Variants in TMCC1 observed in about 807,000 individuals in gnomAD.
The protein encoded by TMCC1 is transmembrane and coiled-coil domain family 1.
A neutral mutation model predicts 52.4 loss-of-function variants in TMCC1; 15 were observed. That is an observed-to-expected ratio of 0.29 (90% confidence interval 0.19 to 0.44). The LOEUF is 0.44. Ranked by LOEUF, TMCC1 falls within the 20% of genes least tolerant of loss-of-function variation. The pLI is 1.00. For synonymous variants in TMCC1, 279 were observed against 301.9 expected (o/e 0.92, Z 0.79); for missense variants, 503 against 806.0 (o/e 0.62, Z 4.55).
intron 4 of TMCC1, among the ~76,000 whole-genome samples, chr3:129,745,600 T>C (rs570381969): frequency 6.6e-6 from 1 of 152,306 alleles, no homozygotes; most frequent in African/African-American, 2.4e-5. Flanking sequence ...ACAAAGCATG[T>C]CCTTCCCAAA....
intron 4 of TMCC1, chr3:129,794,202 C>T (rs549778432): frequency 7.3e-6 from 3 of 412,804 alleles, no homozygotes; most frequent in Middle Eastern, 1.1e-3. Context: ...AGTGCTTCCT[C>T]CCTCAGCCCC....
At chr3:129,724,230 T>C (rs2049897844) in intron 4 of TMCC1, among the ~76,000 whole-genome samples, 1 of 152,178 alleles carries the variant, frequency 6.6e-6, no homozygotes, top group Non-Finnish European at 1.5e-5. Context: ...AGATCTATGG[T>C]GTCACATGAG....
chr3:129,680,314 C>A lies in TMCC1; in HGVS notation c.577-9050G>T, dbSNP rs142519878. On this transcript the variant is annotated intron_variant, in intron 4 of 6. Transcript: ENST00000393238. ...CAAAGGTAATAGTAGTAACTGAGTG[C>A]TTACTATGAACCTGGTACAAATCTA... 4.6e-5 allele frequency among the ~76,000 whole-genome samples: 7 copies of A among 152,266 alleles called. No homozygotes were observed. The East Asian group carries it at 1.3e-3, about 29-fold the overall frequency.
Position 129,655,004 on chromosome 3 carries a change from G to A in TMCC1, c.1611C>T (p.Ile537=), listed in dbSNP as rs757923866. The change falls in exon 6 of 7, where the codon ATC becomes ATT. Residue 537 remains isoleucine (I), a synonymous_variant. Transcript: ENST00000393238. ...KQELASMEEK[I]AYQSYERARD... is the part of the protein sequence containing the mutation. ...GGGCCCGTTCATAGGACTGATACGC[G>A]ATTTTTTCTTCCATGCTTGCCAGTT... is the stretch of plus-strand genomic sequence containing the variant. The A allele has an allele frequency of 1.2e-5, 19 of 1,613,726 alleles. No homozygotes were observed. The African/African-American group carries it at 1.3e-4, about 11-fold the overall frequency.
chr3:129,762,221 G>A (rs1478372637), intron 4 of TMCC1, among the ~76,000 whole-genome samples: 3 of 151,714 alleles, frequency 2.0e-5, no homozygotes, highest in Non-Finnish European at 4.4e-5. Context: ...ATAATTTTTT[G>A]TAGAGACAGG....
In TMCC1 at chr3:129,737,734, A is replaced by G. The variant is rs1023150436; in HGVS notation, c.577-66470T>C. 3.9e-5 allele frequency among the ~76,000 whole-genome samples: 6 copies of G among 152,188 alleles called. No homozygotes were observed. In the South Asian group the frequency reaches 6.2e-4, roughly 16 times the overall value. Reference sequence around the variant, plus strand: ...CACACACCCCAAAATACTTCAGCACATATCTCCAAAATTTAAAGCCATTCT... The same window carrying G: ...CACACACCCCAAAATACTTCAGCACGTATCTCCAAAATTTAAAGCCATTCT... On this transcript the variant is annotated intron_variant, in intron 4 of 6. Coordinates refer to ENST00000393238, the MANE Select transcript of TMCC1 (RefSeq NM_001017395.5).
At chr3:129,814,151 G>A (rs2057980560) in intron 4 of TMCC1, among the ~76,000 whole-genome samples, 1 of 152,068 alleles carries the variant, frequency 6.6e-6, no homozygotes, top group Non-Finnish European at 1.5e-5. Context: ...ATTAGGAGAA[G>A]ACCTGAGCGT....
intron 4 of TMCC1, among the ~76,000 whole-genome samples, chr3:129,774,492 G>A (rs952250968): frequency 8.5e-5 from 13 of 152,136 alleles, no homozygotes; most frequent in African/African-American, 2.9e-4. Flanking sequence ...TACTGTCCCT[G>A]CCCTCATGAA....
At chr3:129,760,784 G>C (rs2053506281) in intron 4 of TMCC1, among the ~76,000 whole-genome samples, 1 of 150,360 alleles carries the variant, frequency 6.7e-6, no homozygotes, top group South Asian at 2.1e-4. Context: ...GCTAATTTTT[G>C]TATTTTTTGT....
chr3:129,744,314 T>C (rs1436347091), intron 4 of TMCC1, among the ~76,000 whole-genome samples: 1 of 152,134 alleles, frequency 6.6e-6, no homozygotes, highest in South Asian at 2.1e-4. Flanking sequence ...TTTTTCCTTT[T>C]CTAGTTTTAT....
intron 4 of TMCC1, among the ~76,000 whole-genome samples, chr3:129,802,510 G>C (rs2057251614): frequency 6.6e-6 from 1 of 152,226 alleles, no homozygotes; most frequent in South Asian, 2.1e-4. Flanking sequence ...GGAAGGCTGA[G>C]GCAGGAGGAT....
At chr3:129,698,742 G>C (rs2047597508) in intron 4 of TMCC1, among the ~76,000 whole-genome samples, 1 of 152,064 alleles carries the variant, frequency 6.6e-6, no homozygotes, top group African/African-American at 2.4e-5. Context: ...CTGTACAAAA[G>C]AGCTACAAAA....
chr3:129,846,838 G>A (rs897485614), intron 2 of TMCC1, among the ~76,000 whole-genome samples: 1 of 126,728 alleles, frequency 7.9e-6, no homozygotes, highest in Admixed American at 9.7e-5. Context: ...AGACCAGTCT[G>A]TGCAACATAG....
At position 129,841,453 on chromosome 3, in the gene TMCC1, G is replaced by A. The variant is rs528076361; in HGVS notation, c.-183-8627C>T. Among the ~76,000 whole-genome samples, 75 of 152,278 alleles carry A rather than the reference G, an allele frequency of 4.9e-4. 2 individuals carry two copies. The South Asian group carries it at 0.016, about 32-fold the overall frequency. On this transcript the variant is annotated intron_variant, in intron 2 of 6. Transcript: ENST00000393238. ...AATACAAAAATTAGCTGGGCATGGT[G>A]GCATACACCTGTAGTCCCAGCTTGG...
intron 4 of TMCC1, among the ~76,000 whole-genome samples, chr3:129,696,448 C>G (rs138021788): frequency 6.6e-6 from 1 of 152,228 alleles, no homozygotes; most frequent in African/African-American, 2.4e-5. Flanking sequence ...TACAACCCAA[C>G]TATCTTGGGC....
At chr3:129,767,501 T>C (rs1475736057) in intron 4 of TMCC1, among the ~76,000 whole-genome samples, 2 of 152,056 alleles carry the variant, frequency 1.3e-5, no homozygotes, top group Non-Finnish European at 2.9e-5. Flanking sequence ...CCCTCTTGAG[T>C]AGCTAGGACT....
intron 2 of TMCC1, among the ~76,000 whole-genome samples, chr3:129,879,378 T>C (rs148339427): frequency 3.3e-5 from 5 of 152,210 alleles, no homozygotes; most frequent in East Asian, 3.9e-4. Flanking sequence ...GAATGTGAGA[T>C]TGCTGTGAGC....
chr3:129,770,247 G>A (rs1029646663), intron 4 of TMCC1, among the ~76,000 whole-genome samples: 26 of 152,194 alleles, frequency 1.7e-4, no homozygotes, highest in African/African-American at 6.3e-4. Context: ...TGGATGCAGT[G>A]GCTCACACCT....
intron 4 of TMCC1, among the ~76,000 whole-genome samples, chr3:129,677,817 T>C (rs1344095622): frequency 6.6e-6 from 1 of 152,236 alleles, no homozygotes; most frequent in Admixed American, 6.5e-5. Flanking sequence ...AAATCATTTA[T>C]TTGCTGATGA....
Sources: allele counts gnomAD v4.1 joint callset (sites outside exome capture counted in the v4.1 genomes callset), GRCh38; gene constraint gnomAD v4.1.1; transcripts MANE v1.5; gene names NCBI Gene and HGNC (gene_info 2026-07-23, HGNC 2026-07-21).